RGS6: variants seen among roughly 807,000 people sequenced by gnomAD.
RGS6 encodes regulator of G protein signaling 6.
Under a neutral mutation model 78.5 loss-of-function variants are expected in RGS6, and 30 were observed. The ratio of observed to expected loss-of-function variants is 0.38; its 90% CI spans 0.29 to 0.52. The LOEUF (loss-of-function observed/expected upper bound fraction) is 0.52. Ranked by LOEUF, RGS6 falls within the 20% of genes least tolerant of loss-of-function variation. RGS6 has a pLI of 0.85. For synonymous variants in RGS6, 206 were observed against 206.0 expected (o/e 1.00, Z 0.00); for missense variants, 495 against 609.7 (o/e 0.81, Z 1.98).
intron 2 of RGS6, among the ~76,000 whole-genome samples, chr14:72,256,042 C>T (rs968799517): frequency 6.6e-6 from 1 of 152,168 alleles, no homozygotes; most frequent in African/African-American, 2.4e-5. Context: ...TTCTTCTTGC[C>T]TGCTGCACAG....
chr14:71,953,412 A>G (rs547525324), intron 1 of RGS6, among the ~76,000 whole-genome samples: 3 of 152,332 alleles, frequency 2.0e-5, no homozygotes, highest in East Asian at 3.9e-4. Context: ...ATTTATTTAT[A>G]AAAGTGTATT....
At chr14:72,192,112 C>T (rs2097333893) in intron 2 of RGS6, among the ~76,000 whole-genome samples, 2 of 152,284 alleles carry the variant, frequency 1.3e-5, no homozygotes, top group East Asian at 1.9e-4. Flanking sequence ...TCTTATCGCA[C>T]AGTGGCTTAC....
At chr14:72,212,416 G>A (rs915420824) in intron 2 of RGS6, among the ~76,000 whole-genome samples, 10 of 152,202 alleles carry the variant, frequency 6.6e-5, no homozygotes, top group Admixed American at 2.0e-4. Context: ...TGGTCAAACT[G>A]GAGGCAGATA....
At chr14:72,523,601 A>T (rs577370519) in intron 15 of RGS6, among the ~76,000 whole-genome samples, 38 of 152,242 alleles carry the variant, frequency 2.5e-4, no homozygotes. Flanking sequence ...AGCCAAGTTA[A>T]TTGCCTGTAT....
At chr14:71,924,071 G>A in the RGS6 span, among the ~76,000 whole-genome samples, 1 of 152,114 alleles carries the variant, frequency 6.6e-6, no homozygotes, top group African/African-American at 2.4e-5. Context: ...TTGAGACAGT[G>A]CCTTGCTATG....
chr14:71,975,993 G>A (rs1192197385), intron 2 of RGS6, among the ~76,000 whole-genome samples: 1 of 152,024 alleles, frequency 6.6e-6, no homozygotes, highest in East Asian at 1.9e-4. Flanking sequence ...TAGATAATCT[G>A]TGGTTAAAGT....
At chr14:72,134,089 C>A (rs796522133) in intron 2 of RGS6, among the ~76,000 whole-genome samples, 10 of 152,306 alleles carry the variant, frequency 6.6e-5, no homozygotes, top group African/African-American at 2.2e-4. Flanking sequence ...TCTTCTCTTG[C>A]CTAGATCATT....
At chr14:72,051,005 G>A (rs1345226429) in intron 2 of RGS6, among the ~76,000 whole-genome samples, 1 of 151,928 alleles carries the variant, frequency 6.6e-6, no homozygotes, top group Admixed American at 6.6e-5. Flanking sequence ...TAATTTCTGG[G>A]GTTTTTTGTT....
At chr14:72,282,895 C>T (rs1459685024) in intron 2 of RGS6, among the ~76,000 whole-genome samples, 2 of 152,224 alleles carry the variant, frequency 1.3e-5, no homozygotes, top group African/African-American at 2.4e-5. Flanking sequence ...CCTTTCATAA[C>T]TGAAACCTTC....
At chr14:71,942,783 A>G (rs988591546) in intron 1 of RGS6, among the ~76,000 whole-genome samples, 5 of 152,230 alleles carry the variant, frequency 3.3e-5, no homozygotes, top group African/African-American at 1.2e-4. Flanking sequence ...TGTTAGTAAC[A>G]TAGGGTGGTA....
intron 8 of RGS6, 66 bp from the exon 9 acceptor site, chr14:72,472,806 A>AG: frequency 1.7e-6 from 2 of 1,196,184 alleles, no homozygotes; most frequent in South Asian, 2.6e-5. Flanking sequence ...CAAACGCTGG[A>AG]GCAAGTGTCA....
intron 2 of RGS6, among the ~76,000 whole-genome samples, chr14:72,136,934 T>G (rs907922466): frequency 6.6e-6 from 1 of 152,184 alleles, no homozygotes; most frequent in African/African-American, 2.4e-5. Context: ...AGATATGTTA[T>G]CCCATGTAAT....
intron 3 of RGS6, among the ~76,000 whole-genome samples, chr14:72,409,913 A>G (rs1597075915): frequency 6.6e-6 from 1 of 152,192 alleles, no homozygotes; most frequent in East Asian, 1.9e-4. Context: ...TTATGGCTGC[A>G]TAGTATTCCA....
At chr14:72,002,903 T>C (rs1289043207) in intron 2 of RGS6, among the ~76,000 whole-genome samples, 1 of 152,228 alleles carries the variant, frequency 6.6e-6, no homozygotes, top group African/African-American at 2.4e-5. Context: ...CTCGTACTAC[T>C]GCAAAATCGA....
chr14:72,361,345 A>G (rs114934877), intron 3 of RGS6, among the ~76,000 whole-genome samples: 119 of 152,308 alleles, frequency 7.8e-4, no homozygotes, highest in African/African-American at 2.8e-3. Flanking sequence ...TGCCCATTAC[A>G]TTTAATTGAG....
intron 3 of RGS6, among the ~76,000 whole-genome samples, chr14:72,369,049 T>TCA (rs150507935): frequency 0.031 from 4,669 of 151,644 alleles, 203 homozygotes; most frequent in African/African-American, 0.1. Flanking sequence ...GAAAAAAAAA[T>TCA]CACACACACA....
At position 72,090,279 on chromosome 14, in the gene RGS6, G is replaced by C. The variant is rs191807277; in HGVS notation, c.84+125404G>C. ...TTACATTAGGGGTTTCTAACCCCCA[G>C]GCCATGGACCAGTACCGGTCCCTGG... On this transcript the variant is annotated intron_variant, in intron 2 of 17. Coordinates refer to ENST00000553525, the MANE Select transcript of RGS6 (RefSeq NM_001204424.2). Among the ~76,000 whole-genome samples the C allele has an allele frequency of 1.3e-3, 204 of 152,224 alleles. 2 individuals carry two copies. Among genetic ancestry groups the C allele is most frequent in the Non-Finnish European group, 1.7e-3 (117 of 68,012 alleles).
chr14:72,242,926 G>T (rs56088542), intron 2 of RGS6, among the ~76,000 whole-genome samples: 1,276 of 122,720 alleles, frequency 0.01, 25 homozygotes, highest in African/African-American at 0.038. Flanking sequence ...TCGGCTCACT[G>T]TAACCTCTGC....
intron 2 of RGS6, among the ~76,000 whole-genome samples, chr14:72,156,115 G>A (rs531596943): frequency 9.8e-5 from 15 of 152,286 alleles, no homozygotes; most frequent in African/African-American, 3.6e-4. Context: ...CTTGCAAACC[G>A]GGGTCTGAAG....
Sources: allele counts gnomAD v4.1 joint callset (sites outside exome capture counted in the v4.1 genomes callset), GRCh38; gene constraint gnomAD v4.1.1; transcripts MANE v1.5; gene names NCBI Gene and HGNC (gene_info 2026-07-23, HGNC 2026-07-21).